CDC42BPB: variants seen among roughly 807,000 people sequenced by gnomAD.
The protein encoded by CDC42BPB is CDC42 binding protein kinase beta.
Under a neutral mutation model 214.9 loss-of-function variants are expected in CDC42BPB, and 37 were observed. The observed-to-expected ratio is 0.17, with a 90% CI of 0.13 to 0.23. The LOEUF is 0.23. CDC42BPB is among the 10% of genes least tolerant of loss of function. The pLI, the probability that CDC42BPB is intolerant of heterozygous loss-of-function variation, is 1.00. For missense variants in CDC42BPB, 1,694 were observed against 2,227.0 expected, an observed-to-expected ratio of 0.76 and a Z score of 4.82; for synonymous variants, 931 against 884.0, an observed-to-expected ratio of 1.05 and a Z score of -0.94.
chr14:102,939,784 C>T, intron 33 of CDC42BPB, 46 bp downstream of exon 33: 1 of 1,614,024 alleles, frequency 6.2e-7, no homozygotes, highest in South Asian at 1.1e-5. Context: ...TCTTGGCCCC[C>T]TCCCTAGAGC....
chr14:102,945,805 T>C (rs1476498472), intron 28 of CDC42BPB, 81 bp from the exon 29 acceptor site: 3 of 1,201,280 alleles, frequency 2.5e-6, no homozygotes, highest in African/African-American at 1.5e-5. Context: ...GGTGGGCTCA[T>C]TCACAGATAC....
intron 20 of CDC42BPB, among the ~76,000 whole-genome samples, chr14:102,962,849 C>CA (rs914493422): frequency 4.0e-5 from 6 of 148,800 alleles, no homozygotes; most frequent in South Asian, 2.1e-4. Context: ...GAGACTGTCT[C>CA]AAAAAAAAAG....
At chr14:103,054,943 T>C (rs1331056123) in intron 1 of CDC42BPB, among the ~76,000 whole-genome samples, 1 of 152,258 alleles carries the variant, frequency 6.6e-6, no homozygotes, top group Non-Finnish European at 1.5e-5. Flanking sequence ...GGCTGCACAA[T>C]GGCCCCCAGG....
At chr14:102,978,089 G>T (rs763503314) in intron 9 of CDC42BPB, 37 bp downstream of exon 9, 10 of 1,476,210 alleles carry the variant, frequency 6.8e-6, no homozygotes, top group African/African-American at 1.4e-5. Flanking sequence ...TACCACAGGG[G>T]AAGTGTCTCC....
At position 102,949,909 on chromosome 14, in the gene CDC42BPB, G is replaced by A. The variant is rs775703713; in HGVS notation, c.3310-5C>T. On this transcript the variant is annotated splice_polypyrimidine_tract_variant and splice_region_variant and intron_variant, in intron 25 of 36. Transcript: ENST00000361246. ...CACCCCCGTGGGCTTTGGGACCTAT[G>A]AATAAAAACAAACAGTGGCCACGTT... 4 of 1,612,836 alleles carry A rather than the reference G, an allele frequency of 2.5e-6. No individual in the cohort carries two copies. The highest frequency in any genetic ancestry group is 1.7e-5 in the Admixed American group (1 of 60,002).
Position 102,964,588 on chromosome 14 carries a change from C to T in CDC42BPB, c.2640G>A (p.Gln880=). Residue 880 remains glutamine, a synonymous_variant, in exon 19 of 37, where the codon CAG becomes CAA. Coordinates refer to ENST00000361246, the MANE Select transcript of CDC42BPB (RefSeq NM_006035.4). ...CCCGGATCTCCGCCTCCAGGGCCGA[C>T]TGCAGCTCCAGCCGCGCGGACATGT... ...KLDMSARLEL[Q]SALEAEIRAK... 6.2e-7 allele frequency: 1 copy of T among 1,613,992 alleles called. No individual in the cohort carries two copies. The highest frequency in any genetic ancestry group is 8.5e-7 in the Non-Finnish European group (1 of 1,180,012).
At position 103,025,255 on chromosome 14, in the gene CDC42BPB, C is replaced by T. The variant is rs190031352; in HGVS notation, c.176-13067G>A. ...CTCTCCTGTAAGCAAGCACACTGTC[C>T]GATGTGCCACCCCTCTCCCCCACCA... On this transcript the variant is annotated intron_variant, in intron 1 of 36. Transcript: ENST00000361246. 4.5e-4 allele frequency among the ~76,000 whole-genome samples: 68 copies of T among 151,966 alleles called. 1 individual carries two copies. Among genetic ancestry groups the T allele is most frequent in the Admixed American group, 1.2e-3 (19 of 15,250 alleles).
chr14:103,012,283 TA>T, intron 1 of CDC42BPB, 95 bp from the exon 2 acceptor site: 1 of 1,476,240 alleles, frequency 6.8e-7, no homozygotes, highest in Non-Finnish European at 9.0e-7. Flanking sequence ...GTTATACTTT[TA>T]AAAAAGTTTG....
intron 1 of CDC42BPB, among the ~76,000 whole-genome samples, chr14:103,030,791 C>CT (rs2139703762): frequency 6.6e-6 from 1 of 152,222 alleles, no homozygotes; most frequent in African/African-American, 2.4e-5. Context: ...CCAGACCAGC[C>CT]TAGGCAACAT....
Position 102,968,688 on chromosome 14 carries a change from G to T in CDC42BPB, c.2024C>A (p.Ala675Asp). 4 of 1,614,044 alleles carry T rather than the reference G, an allele frequency of 2.5e-6. No homozygotes were observed. Among genetic ancestry groups the T allele is most frequent in the Non-Finnish European group, 3.4e-6 (4 of 1,180,010 alleles). The change falls in exon 15 of 37, where the codon GCC becomes GAC. Residue 675 changes from alanine to aspartate, a missense_variant. Around this residue, in one of 7 missense-constraint regions of CDC42BPB, gnomAD observed 462 missense variants for 513.5 expected, o/e 0.90. Coordinates refer to ENST00000361246, the MANE Select transcript of CDC42BPB (RefSeq NM_006035.4). The part of the protein sequence containing the change: ...KVKQGGRGAG[A>D]TLEHQQEISK... ...AATCTCTTGCTGGTGCTCTAAGGTGGCACCCGCTCCCCGGCCTCCTTGCTT... is the reference window on the plus strand; with the variant it reads ...AATCTCTTGCTGGTGCTCTAAGGTGTCACCCGCTCCCCGGCCTCCTTGCTT...
intron 1 of CDC42BPB, among the ~76,000 whole-genome samples, chr14:103,022,499 G>A (rs2139676525): frequency 6.6e-6 from 1 of 152,238 alleles, no homozygotes; most frequent in African/African-American, 2.4e-5. Context: ...TGGGACTACA[G>A]GCACATGCCA....
At chr14:103,046,723 G>A (rs11625256) in intron 1 of CDC42BPB, among the ~76,000 whole-genome samples, 2 of 151,924 alleles carry the variant, frequency 1.3e-5, no homozygotes, top group African/African-American at 2.4e-5. Context: ...GCGTGATCTC[G>A]GCTCACTGCA....
At chr14:102,982,368 G>A (rs1166558892) in intron 7 of CDC42BPB, among the ~76,000 whole-genome samples, 4 of 152,196 alleles carry the variant, frequency 2.6e-5, no homozygotes, top group African/African-American at 9.6e-5. Flanking sequence ...TGGAGGACAG[G>A]CCAGCACTCA....
At chr14:103,005,330 A>G (rs981973692) in intron 3 of CDC42BPB, among the ~76,000 whole-genome samples, 1 of 152,260 alleles carries the variant, frequency 6.6e-6, no homozygotes, top group Non-Finnish European at 1.5e-5. Context: ...ACGAGGGCAC[A>G]GTTCTGACCG....
At chr14:103,016,609 C>A (rs141714481) in intron 1 of CDC42BPB, among the ~76,000 whole-genome samples, 25 of 151,684 alleles carry the variant, frequency 1.6e-4, no homozygotes, top group Non-Finnish European at 2.5e-4. Flanking sequence ...GAGGACTGAT[C>A]AGATAAGCAA....
chr14:102,954,099 G>A (rs1892610495), intron 23 of CDC42BPB, 99 bp downstream of exon 23: 1 of 854,454 alleles, frequency 1.2e-6, no homozygotes, highest in Non-Finnish European at 1.9e-6. Flanking sequence ...AAATGACTAA[G>A]TATGTTTTAT....
At chr14:103,046,682 C>G (rs539597520) in intron 1 of CDC42BPB, among the ~76,000 whole-genome samples, 46 of 152,254 alleles carry the variant, frequency 3.0e-4, no homozygotes, top group South Asian at 2.7e-3. Context: ...TGGAGACAGT[C>G]TCTCTCTGTC....
rs144813068 is a variant in CDC42BPB, at chr14:102,941,061, G to A, written c.4409-737C>T. On this transcript the variant is annotated intron_variant, in intron 30 of 36. Transcript: ENST00000361246. ...TTGGAGTTTAAGGGGCTTTCTCCAC[G>A]TTTAGAAGAGCAGTGACACAGCTGT... is the stretch of plus-strand genomic sequence containing the variant. 3.0e-4 allele frequency: 287 copies of A among 945,746 alleles called. No homozygotes were observed. The African/African-American group carries it at 4.5e-3, about 15-fold the overall frequency. The allele number at this position is 945,746 out of a possible 1,614,324, so 58.6% of individuals were successfully genotyped here.
intron 4 of CDC42BPB, among the ~76,000 whole-genome samples, chr14:103,002,663 C>A (rs964228791): frequency 1.3e-5 from 2 of 152,084 alleles, no homozygotes; most frequent in African/African-American, 4.8e-5. Context: ...GGAACCTGCT[C>A]GCCAGGCTGG....
Sources: gnomAD v4.1 joint callset for allele counts (sites outside exome capture counted in the v4.1 genomes callset) on GRCh38, gnomAD v4.1.1 for gene constraint, gnomAD v4.1.1 regional missense constraint, MANE v1.5 for transcripts, NCBI Gene and HGNC (gene_info 2026-07-23, HGNC 2026-07-21) for gene names.